Variants in NR5A1 observed in about 807,000 individuals in gnomAD.
The protein encoded by NR5A1 is nuclear receptor subfamily 5 group A member 1, also known as steroidogenic factor 1.
In NR5A1, 6 loss-of-function variants were observed where a neutral mutation model predicts 42.7. The ratio of observed to expected loss-of-function variants is 0.14; its 90% CI spans 0.08 to 0.28. The LOEUF (loss-of-function observed/expected upper bound fraction) is 0.28. Ranked by LOEUF, NR5A1 falls within the 10% of genes least tolerant of loss-of-function variation. NR5A1 has a pLI of 1.00. For missense variants in NR5A1, 442 were observed against 626.4 expected, an observed-to-expected ratio of 0.71 and a Z score of 3.14; for synonymous variants, 274 against 277.5, an observed-to-expected ratio of 0.99 and a Z score of 0.12.
At chr9:124,506,166 C>T (rs1417805830) in intron 1 of NR5A1, among the ~76,000 whole-genome samples, 3 of 152,216 alleles carry the variant, frequency 2.0e-5, no homozygotes, top group South Asian at 4.1e-4. Flanking sequence ...ACTCAGCTGG[C>T]TCACCCACAG....
chr9:124,506,367 C>T (rs914260546), intron 1 of NR5A1, among the ~76,000 whole-genome samples: 1 of 152,190 alleles, frequency 6.6e-6, no homozygotes, highest in Non-Finnish European at 1.5e-5. Context: ...ATCGTACCCC[C>T]CGCACCCCCA....
chr9:124,499,874 G>A (rs1229686036), intron 4 of NR5A1, among the ~76,000 whole-genome samples: 1 of 152,178 alleles, frequency 6.6e-6, no homozygotes, highest in Non-Finnish European at 1.5e-5. Flanking sequence ...CTTGAGCAGA[G>A]GCTCAAGGAG....
chr9:124,500,545 C>G lies in NR5A1; in HGVS notation c.415G>C (p.Val139Leu). The G allele has an allele frequency of 2.5e-6, 4 of 1,609,828 alleles. No individual in the cohort carries two copies. Among genetic ancestry groups the G allele is most frequent in the Non-Finnish European group, 3.4e-6 (4 of 1,179,616 alleles). Residue 139 changes from valine (V) to leucine (L), a missense_variant, in exon 4 of 7, where the codon GTG (valine) becomes CTG (leucine). Physicochemically the swap from Val to Leu is conservative, Grantham distance 32. Transcript: ENST00000373588. The surrounding 1 kb of genome is among the most constrained non-coding windows in gnomAD (Gnocchi z 6.9). ...PPPPPPAPDY[V>L]LPPSLHGPEP... is the part of the protein sequence containing the mutation. The stretch of plus-strand genomic sequence containing the variant: ...GGCCCATGCAGGCTGGGAGGCAGCA[C>G]GTAGTCCGGTGCGGGAGGGGGCGGC...
chr9:124,506,293 G>C (rs1206406940), intron 1 of NR5A1, among the ~76,000 whole-genome samples: 1 of 152,204 alleles, frequency 6.6e-6, no homozygotes, highest in East Asian at 1.9e-4. Flanking sequence ...TTACAGATGG[G>C]GTACTGCGGT....
chr9:124,500,998 T>C lies in NR5A1; in HGVS notation c.245-283A>G, dbSNP rs974520516. 2 of 703,986 alleles carry C rather than the reference T, an allele frequency of 2.8e-6. No homozygotes were observed. Among genetic ancestry groups the C allele is most frequent in the Admixed American group, 4.0e-5 (2 of 49,430 alleles). 43.6% of individuals were successfully genotyped at this position (703,986 alleles called of 1,614,324 possible). ...CCTTCCTCCTCCACCCTGCCTTTCA[T>C]TTTCCTTCTGACTCAAACTTTTTTT... On this transcript the variant is annotated intron_variant, in intron 3 of 6. Coordinates refer to ENST00000373588, the MANE Select transcript of NR5A1 (RefSeq NM_004959.5). This position sits in a 1 kb window ranked among gnomAD's most constrained non-coding sequence, Gnocchi z 6.9.
At chr9:124,490,215 G>A (rs1832285467) in intron 6 of NR5A1, among the ~76,000 whole-genome samples, 1 of 152,218 alleles carries the variant, frequency 6.6e-6, no homozygotes, top group Admixed American at 6.5e-5. Flanking sequence ...CTTCCAGAAA[G>A]AGCTCTGCTC....
intron 1 of NR5A1, among the ~76,000 whole-genome samples, chr9:124,505,883 T>C (rs1832550596): frequency 6.6e-6 from 1 of 152,146 alleles, no homozygotes; most frequent in Non-Finnish European, 1.5e-5. Context: ...GGGGCCACTG[T>C]TTTTCAGCTG....
rs1832458349 is a variant in NR5A1 at position 124,500,713 on chromosome 9, C to T, written c.247G>A (p.Val83Met). 1.2e-6 allele frequency: 2 copies of T among 1,612,570 alleles called. No homozygotes were observed. The highest frequency in any genetic ancestry group is 8.5e-7 in the Non-Finnish European group (1 of 1,180,012). Residue 83 changes from valine to methionine, a missense_variant and splice_region_variant, in exon 4 of 7, where the codon GTG becomes ATG. Val to Met is a conservative substitution (Grantham distance 21). Coordinates refer to ENST00000373588, the MANE Select transcript of NR5A1 (RefSeq NM_004959.5). This position sits in a 1 kb window ranked among gnomAD's most constrained non-coding sequence, Gnocchi z 6.9. ...CCACCCCTCATACGGTCAGCGCGCACGGCTGTGGGCAGGGGCAGAGGGTCA... is the reference window on the plus strand; with the variant it reads ...CCACCCCTCATACGGTCAGCGCGCATGGCTGTGGGCAGGGGCAGAGGGTCA... ...CLTVGMRLEAVRADRMRGGRN... is the reference protein window; with the variant it reads ...CLTVGMRLEAMRADRMRGGRN...
intron 6 of NR5A1, among the ~76,000 whole-genome samples, chr9:124,489,442 C>T (rs1043223392): frequency 6.6e-5 from 10 of 152,248 alleles, no homozygotes; most frequent in African/African-American, 2.4e-4. Context: ...TTCACACAGG[C>T]TAACACTTCA....
chr9:124,503,802 C>T lies in NR5A1; in HGVS notation c.-15-392G>A, dbSNP rs1412051156. ...GGGGACCCAGGAGCGCTGGGGCGCCCGGCCCGGGTGTTCTGGGAACCCGAC... is the reference window on the plus strand; with the variant it reads ...GGGGACCCAGGAGCGCTGGGGCGCCTGGCCCGGGTGTTCTGGGAACCCGAC... On this transcript the variant is annotated intron_variant, in intron 1 of 6. Transcript: ENST00000373588. The surrounding 1 kb of genome is among the most constrained non-coding windows in gnomAD (Gnocchi z 9.6). Among the ~76,000 whole-genome samples the T allele has an allele frequency of 1.3e-5, 2 of 152,196 alleles. No individual in the cohort carries two copies. Among genetic ancestry groups the T allele is most frequent in the East Asian group, 3.9e-4 (2 of 5,188 alleles).
chr9:124,485,857 C>T (rs914710063), intron 6 of NR5A1, among the ~76,000 whole-genome samples: 1 of 152,226 alleles, frequency 6.6e-6, no homozygotes, highest in Non-Finnish European at 1.5e-5. Context: ...CGCTCCCCAC[C>T]ATCCTGGGCT....
intron 6 of NR5A1, among the ~76,000 whole-genome samples, chr9:124,488,389 C>A (rs1453528760): frequency 1.3e-5 from 2 of 152,114 alleles, no homozygotes; most frequent in Non-Finnish European, 2.9e-5. Flanking sequence ...TCCTGTTCCT[C>A]CTCTGGCACC....
At chr9:124,487,348 C>CAAATTTTGTTGGGTAAA (rs1418646393) in intron 6 of NR5A1, among the ~76,000 whole-genome samples, 1 of 152,240 alleles carries the variant, frequency 6.6e-6, no homozygotes, top group Non-Finnish European at 1.5e-5. Flanking sequence ...TGGCGCGGAG[C>CAAATTTTGTTGGGTAAA]AGTGGGTAAA....
chr9:124,503,240 G>A lies in NR5A1; in HGVS notation c.103-20C>T. On this transcript the variant is annotated intron_variant, in intron 2 of 6. Coordinates refer to ENST00000373588, the MANE Select transcript of NR5A1 (RefSeq NM_004959.5). The surrounding 1 kb of genome is among the most constrained non-coding windows in gnomAD (Gnocchi z 9.6). ...GAAGCCCTGCGGGAGCTGAGAGTCA[G>A]CGAGGCCCCGCAGCGCCCGTCTGCC... The A allele has an allele frequency of 6.2e-7, 1 of 1,603,784 alleles. No individual in the cohort carries two copies.
chr9:124,483,890 T>C (rs1832167937), intron 6 of NR5A1, among the ~76,000 whole-genome samples: 1 of 152,176 alleles, frequency 6.6e-6, no homozygotes, highest in Admixed American at 6.5e-5. Context: ...AGGACTCTCA[T>C]GGGGCCATGG....
At chr9:124,492,958 G>A (rs1056119294) in intron 5 of NR5A1, 72 bp downstream of exon 5, 30 of 1,474,626 alleles carry the variant, frequency 2.0e-5, no homozygotes, top group Middle Eastern at 2.3e-4. Flanking sequence ...CCTCCTCTCC[G>A]GGGCCCTGAA....
intron 1 of NR5A1, among the ~76,000 whole-genome samples, chr9:124,505,254 G>A (rs1477729578): frequency 6.6e-6 from 1 of 152,212 alleles, no homozygotes; most frequent in Non-Finnish European, 1.5e-5. Flanking sequence ...CGCCTGCAGT[G>A]GGAGGAGGCA....
At chr9:124,490,682 C>T (rs985021081) in intron 6 of NR5A1, among the ~76,000 whole-genome samples, 17 of 152,000 alleles carry the variant, frequency 1.1e-4, no homozygotes, top group Non-Finnish European at 2.1e-4. Context: ...TTCCCAGTGC[C>T]TTCTCCAGTG....
chr9:124,487,589 T>C lies in NR5A1; in HGVS notation c.1138+3492A>G, dbSNP rs182044878. Among the ~76,000 whole-genome samples, 182 of 152,352 alleles carry C rather than the reference T, an allele frequency of 1.2e-3. 2 individuals are homozygous for C. In the East Asian group the frequency reaches 0.032, roughly 26 times the overall value. On this transcript the variant is annotated intron_variant, in intron 6 of 6. Transcript: ENST00000373588. ...ATTTAGACACCAAATGGCACCCTTATGCGGAGGCAGGCGCGAAGGAGGCGC... is the reference window on the plus strand; with the variant it reads ...ATTTAGACACCAAATGGCACCCTTACGCGGAGGCAGGCGCGAAGGAGGCGC...
Sources: gnomAD v4.1 joint callset for allele counts (sites outside exome capture counted in the v4.1 genomes callset) on GRCh38, gnomAD v4.1.1 for gene constraint, Gnocchi (gnomAD v3.1) non-coding constraint, MANE v1.5 for transcripts, NCBI Gene and HGNC (gene_info 2026-07-23, HGNC 2026-07-21) for gene names.